The following THNSL1 variants were observed in gnomAD, a reference collection of about 807,000 sequenced individuals.
The protein encoded by THNSL1 is threonine synthase like 1.
THNSL1 carries 48 observed loss-of-function variants against 50.4 expected under a neutral mutation model. The ratio of observed to expected loss-of-function variants is 0.95; its 90% confidence interval spans 0.76 to 1.21. THNSL1 has a LOEUF of 1.21. THNSL1 is among the 50% of genes most tolerant of loss of function. THNSL1 has a pLI of 0.00. For missense variants in THNSL1, 896 were observed against 871.7 expected (o/e 1.03, Z -0.35); for synonymous variants, 309 against 306.1 (o/e 1.01, Z -0.10).
the THNSL1 span, among the ~76,000 whole-genome samples, chr10:24,991,577 C>G: frequency 6.6e-6 from 1 of 152,072 alleles, no homozygotes; most frequent in Non-Finnish European, 1.5e-5. Context: ...AGAGTTTGGC[C>G]GGGGTGGTGG....
At chr10:25,017,779 GC>G (rs1850636900) in intron 1 of THNSL1, among the ~76,000 whole-genome samples, 3 of 152,058 alleles carry the variant, frequency 2.0e-5, no homozygotes, top group Admixed American at 2.0e-4. Flanking sequence ...ATATCACTTT[GC>G]CCCTTTCTTT....
At chr10:24,983,592 C>G in the THNSL1 span, 1 of 152,118 alleles carries the variant, frequency 6.6e-6, no homozygotes, top group Non-Finnish European at 1.5e-5. Context: ...CTCATATGGA[C>G]AAGTTTCAAG....
chr10:25,026,293 G>A lies in THNSL1; in HGVS notation c.*838G>A, dbSNP rs1054376764. ...CCTTCACTCTCCTTTGGATGTGTAC[G>A]GTTAGGGTGACGATGTTTGAAAATC... On this transcript the variant is annotated 3_prime_UTR_variant, in exon 3 of 3. Coordinates refer to ENST00000376356, the MANE Select transcript of THNSL1 (RefSeq NM_024838.5). 1.2e-5 allele frequency: 2 copies of A among 166,652 alleles called. No individual in the cohort carries two copies. Among genetic ancestry groups the A allele is most frequent in the Admixed American group, 1.3e-4 (2 of 15,286 alleles). 10.3% of individuals were successfully genotyped at this position (166,652 alleles called of 1,614,324 possible).
At chr10:24,963,744 CG>C in the THNSL1 span, among the ~76,000 whole-genome samples, 1 of 152,076 alleles carries the variant, frequency 6.6e-6, no homozygotes, top group Non-Finnish European at 1.5e-5. Context: ...CCCAAAAGCC[CG>C]TTTGCTTTTT....
At chr10:25,002,856 A>T in the THNSL1 span, among the ~76,000 whole-genome samples, 3 of 152,114 alleles carry the variant, frequency 2.0e-5, no homozygotes, top group African/African-American at 7.2e-5. Flanking sequence ...CTGTGCCTTA[A>T]AATGCCCACA....
the THNSL1 span, among the ~76,000 whole-genome samples, chr10:24,994,898 T>A: frequency 2.0e-5 from 3 of 152,024 alleles, no homozygotes; most frequent in Non-Finnish European, 2.9e-5. Context: ...GATGCATGCC[T>A]GTAATTCCAG....
chr10:25,006,957 T>C, the THNSL1 span, among the ~76,000 whole-genome samples: 1 of 152,208 alleles, frequency 6.6e-6, no homozygotes, highest in Non-Finnish European at 1.5e-5. Context: ...AACTGGCACG[T>C]TTTAAATTCT....
intron 1 of THNSL1, among the ~76,000 whole-genome samples, chr10:25,018,572 G>C (rs1850655689): frequency 6.6e-6 from 1 of 151,188 alleles, no homozygotes; most frequent in Non-Finnish European, 1.5e-5. Flanking sequence ...TGGTGGGCCA[G>C]ATTTAGCCTG....
chr10:24,952,458 TA>T, the THNSL1 span: 3 of 1,494,772 alleles, frequency 2.0e-6, no homozygotes, highest in Non-Finnish European at 2.7e-6. This position sits in a 1 kb window ranked among gnomAD's most constrained non-coding sequence, Gnocchi z 5.1. Context: ...GGCAAGCATT[TA>T]ATCTACAAGC....
At chr10:24,995,858 C>T in the THNSL1 span, 8 of 1,603,158 alleles carry the variant, frequency 5.0e-6, no homozygotes, top group Admixed American at 8.7e-5. Context: ...ACGTTCCGAT[C>T]AAAGTTTTTT....
At chr10:25,005,927 T>A in the THNSL1 span, among the ~76,000 whole-genome samples, 1 of 152,242 alleles carries the variant, frequency 6.6e-6, no homozygotes, top group Non-Finnish European at 1.5e-5. Flanking sequence ...CTGTGTAATA[T>A]AGCCACATGT....
At chr10:25,016,572 G>C (rs1248026946), upstream of THNSL1, 3 of 151,330 alleles carry the variant, frequency 2.0e-5, no homozygotes, top group African/African-American at 7.4e-5. Flanking sequence ...AGTGAGAAAG[G>C]AGAGTCACGT....
chr10:24,992,873 C>A, the THNSL1 span, among the ~76,000 whole-genome samples: 1 of 152,176 alleles, frequency 6.6e-6, no homozygotes, highest in Non-Finnish European at 1.5e-5. Flanking sequence ...GTGAGTGAGA[C>A]AGGCCAATCC....
chr10:24,982,545 C>T, the THNSL1 span: 1 of 152,328 alleles, frequency 6.6e-6, no homozygotes, highest in East Asian at 1.9e-4. Flanking sequence ...CAAGTGACTG[C>T]AGTCTCCATG....
intron 1 of THNSL1, among the ~76,000 whole-genome samples, chr10:25,021,471 T>G (rs1850717243): frequency 6.6e-6 from 1 of 152,152 alleles, no homozygotes; most frequent in African/African-American, 2.4e-5. Flanking sequence ...TTCTGAAAAG[T>G]TTTATATTTG....
rs73608227 is a variant in THNSL1 at position 25,023,377 on chromosome 10, C to A, written c.154C>A (p.Leu52Ile). 4,261 of 1,614,138 alleles carry A rather than the reference C, an allele frequency of 2.6e-3. 103 individuals are homozygous for A. The African/African-American group carries it at 0.053, about 20-fold the overall frequency. The part of the protein sequence containing the change: ...LRKSWYSTHS[L>I]VGDKNIILMG... ...GAAGTCATGGTATTCAACCCACTCT[C>A]TTGTTGGAGACAAAAATATTATCCT... The change falls in exon 3 of 3, where the codon CTT (leucine) becomes ATT (isoleucine). Residue 52 changes from leucine to isoleucine, a missense_variant. Leu to Ile is a conservative substitution (Grantham distance 5, BLOSUM62 2). Transcript: ENST00000376356.
chr10:24,957,682 C>T, the THNSL1 span, among the ~76,000 whole-genome samples: 2 of 152,086 alleles, frequency 1.3e-5, no homozygotes, highest in African/African-American at 4.8e-5. Context: ...GGTTTCACCA[C>T]ATTGGCCAGG....
the THNSL1 span, chr10:24,985,027 A>G: frequency 5.0e-6 from 4 of 801,292 alleles, no homozygotes; most frequent in South Asian, 6.5e-5. Flanking sequence ...ATAACTTCTA[A>G]AATGAAATGT....
chr10:24,953,556 A>G, the THNSL1 span: 1 of 152,196 alleles, frequency 6.6e-6, no homozygotes, highest in Non-Finnish European at 1.5e-5. Context: ...CCCCTCTCAC[A>G]TGCCTATGCT....
Sources: allele counts gnomAD v4.1 joint callset (sites outside exome capture counted in the v4.1 genomes callset), GRCh38; gene constraint gnomAD v4.1.1; non-coding constraint Gnocchi (gnomAD v3.1); transcripts MANE v1.5; gene names NCBI Gene and HGNC (gene_info 2026-07-23, HGNC 2026-07-21).